The following ALG14 variants were observed in gnomAD, a reference collection of about 807,000 sequenced individuals.
ALG14 encodes the protein UDP-N-acetylglucosamine transferase subunit ALG14.
In ALG14, 17 loss-of-function variants were observed where a neutral mutation model predicts 22.8. The observed-to-expected ratio is 0.75, with a 90% CI of 0.51 to 1.12. ALG14 has a LOEUF of 1.12. Ranked by LOEUF, ALG14 falls within the 50% of genes most tolerant of loss-of-function variation. The probability of loss-of-function intolerance (pLI) is 0.00; values close to 1 mark genes in which losing one functional copy is unlikely to be tolerated. For synonymous variants in ALG14, 89 were observed against 103.7 expected, an observed-to-expected ratio of 0.86 and a Z score of 0.86; for missense variants, 288 against 271.8, an observed-to-expected ratio of 1.06 and a Z score of -0.42.
intron 2 of ALG14, among the ~76,000 whole-genome samples, chr1:95,057,032 G>C (rs1320093137): frequency 1.4e-5 from 2 of 145,956 alleles, no homozygotes; most frequent in East Asian, 4.1e-4. Flanking sequence ...CTCCAGCCTG[G>C]GCAACAGAGC....
chr1:95,034,975 C>A (rs1041825347), intron 2 of ALG14, among the ~76,000 whole-genome samples: 1 of 152,150 alleles, frequency 6.6e-6, no homozygotes, highest in Non-Finnish European at 1.5e-5. Flanking sequence ...CCACTGTTAC[C>A]AGTGACCGCC....
intron 2 of ALG14, 73 bp from the exon 3 acceptor site, chr1:95,027,333 G>T: frequency 6.5e-7 from 1 of 1,529,398 alleles, no homozygotes; most frequent in East Asian, 2.3e-5. Flanking sequence ...ACAATTAACA[G>T]CTGTAGAAAC....
intron 3 of ALG14, among the ~76,000 whole-genome samples, chr1:95,026,186 C>T (rs1673810439): frequency 6.6e-6 from 1 of 152,140 alleles, no homozygotes; most frequent in Non-Finnish European, 1.5e-5. Flanking sequence ...CCTGCCTCGG[C>T]CTCCCAAAGG....
At chr1:95,055,153 T>C (rs1184104965) in intron 2 of ALG14, among the ~76,000 whole-genome samples, 1 of 152,192 alleles carries the variant, frequency 6.6e-6, no homozygotes, top group Non-Finnish European at 1.5e-5. Flanking sequence ...TACAAGGATG[T>C]CCACTACATT....
rs538333295 is a variant in ALG14, at chr1:95,049,663, A to G, written c.288+15203T>C. On this transcript the variant is annotated intron_variant, in intron 2 of 3. Coordinates refer to ENST00000370205, the MANE Select transcript of ALG14 (RefSeq NM_144988.4). ...GAAGCAGGCAGATCATTTGAGCTCA[A>G]GAGTTTGAGACCAGCCTGGGCAACA... Among the ~76,000 whole-genome samples, 13 of 152,242 alleles carry G rather than the reference A, an allele frequency of 8.5e-5. No individual in the cohort carries two copies. The East Asian group carries it at 2.5e-3, about 29-fold the overall frequency.
At chr1:95,015,474 G>A (rs1395396401) in intron 3 of ALG14, among the ~76,000 whole-genome samples, 1 of 152,208 alleles carries the variant, frequency 6.6e-6, no homozygotes, top group Non-Finnish European at 1.5e-5. Flanking sequence ...CTAAGTTCAA[G>A]AGGAGTTCAC....
chr1:95,064,369 G>A (rs1675277115), intron 2 of ALG14, among the ~76,000 whole-genome samples: 1 of 152,100 alleles, frequency 6.6e-6, no homozygotes, highest in Non-Finnish European at 1.5e-5. Flanking sequence ...AATTTTCAAG[G>A]GGAATGCTTC....
At chr1:95,050,147 C>G (rs538131707) in intron 2 of ALG14, among the ~76,000 whole-genome samples, 4 of 152,264 alleles carry the variant, frequency 2.6e-5, no homozygotes, top group African/African-American at 9.6e-5. Flanking sequence ...ATTCCTGAAG[C>G]GTTCCGAGCG....
intron 2 of ALG14, among the ~76,000 whole-genome samples, chr1:95,036,694 TGGGATTAAGGGCGTGAGCCACCGC>T (rs1674207831): frequency 2.0e-5 from 3 of 152,120 alleles, no homozygotes; most frequent in Admixed American, 2.0e-4. Context: ...CCCAAAGTGC[TGGGATTAAGGGCGTGAGCCACCGC>T]GCCTGGCCCA....
At chr1:95,033,658 T>C (rs942275882) in intron 2 of ALG14, among the ~76,000 whole-genome samples, 9 of 151,980 alleles carry the variant, frequency 5.9e-5, no homozygotes, top group Admixed American at 5.2e-4. Flanking sequence ...ATCTATGAGG[T>C]TGCCAGGGAC....
At chr1:95,048,570 T>C (rs865984416) in intron 2 of ALG14, among the ~76,000 whole-genome samples, 8 of 152,174 alleles carry the variant, frequency 5.3e-5, no homozygotes, top group East Asian at 1.9e-4. Context: ...TGCTGAAACA[T>C]GGCCTATTGC....
intron 2 of ALG14, among the ~76,000 whole-genome samples, chr1:95,057,055 CAAAA>C (rs199574536): frequency 9.9e-6 from 1 of 100,672 alleles, no homozygotes; most frequent in Admixed American, 1.1e-4. Context: ...GATTCTGGCT[CAAAA>C]AAAAAAAAAA....
intron 2 of ALG14, among the ~76,000 whole-genome samples, chr1:95,033,981 G>T (rs1674106016): frequency 6.6e-6 from 1 of 152,186 alleles, no homozygotes; most frequent in South Asian, 2.1e-4. Context: ...TTGCTCCCAA[G>T]GTCCCATGTA....
chr1:94,990,700 C>CA (rs1340027390), intron 3 of ALG14, among the ~76,000 whole-genome samples: 2 of 152,142 alleles, frequency 1.3e-5, no homozygotes, highest in African/African-American at 2.4e-5. Context: ...TAAACCATAC[C>CA]AAAAAGGTAA....
intron 3 of ALG14, among the ~76,000 whole-genome samples, chr1:95,006,948 T>C (rs543905720): frequency 1.3e-5 from 2 of 152,348 alleles, no homozygotes; most frequent in South Asian, 2.1e-4. Flanking sequence ...AATTTGTCAA[T>C]GGCCCTTTAA....
At chr1:95,015,907 T>C (rs1353354175) in intron 3 of ALG14, among the ~76,000 whole-genome samples, 1 of 152,196 alleles carries the variant, frequency 6.6e-6, no homozygotes, top group Non-Finnish European at 1.5e-5. Flanking sequence ...TATTAACTCC[T>C]TATTAGCCTC....
At chr1:95,067,801 C>T (rs1380979805) in intron 1 of ALG14, among the ~76,000 whole-genome samples, 1 of 152,164 alleles carries the variant, frequency 6.6e-6, no homozygotes, top group African/African-American at 2.4e-5. Context: ...AAATTATTTA[C>T]TTCTGCTCAA....
At position 94,981,608 on chromosome 1, in the gene ALG14, CA is replaced by C. The variant is rs1346406304; in HGVS notation, c.*1467del. On this transcript the variant is annotated 3_prime_UTR_variant, in exon 4 of 4. Coordinates refer to ENST00000370205, the MANE Select transcript of ALG14 (RefSeq NM_144988.4). ...TTAGATTTATATCATACTTATAAAGCAAAAGATTTAAGAGGAAAAAACCTAT... is the reference window on the plus strand; with the variant it reads ...TTAGATTTATATCATACTTATAAAGCAAAGATTTAAGAGGAAAAAACCTAT... The C allele has an allele frequency of 6.7e-6, 1 of 149,922 alleles. No homozygotes were observed. Among genetic ancestry groups the C allele is most frequent in the Admixed American group, 6.7e-5 (1 of 15,034 alleles). 9.3% of individuals were successfully genotyped at this position (149,922 alleles called of 1,614,324 possible).
chr1:94,984,429 CTGTAGGGT>C (rs1481701776), intron 3 of ALG14, among the ~76,000 whole-genome samples: 1 of 152,194 alleles, frequency 6.6e-6, no homozygotes, highest in Non-Finnish European at 1.5e-5. Context: ...ATGGTCAGGG[CTGTAGGGT>C]TTGAAAAAGG....
Sources: allele counts gnomAD v4.1 joint callset (sites outside exome capture counted in the v4.1 genomes callset), GRCh38; gene constraint gnomAD v4.1.1; transcripts MANE v1.5; gene names NCBI Gene and HGNC (gene_info 2026-07-23, HGNC 2026-07-21).